Variants in MAP2K1 observed in about 807,000 individuals in gnomAD.
The protein encoded by MAP2K1 is dual specificity mitogen-activated protein kinase kinase 1.
A neutral mutation model predicts 46.3 loss-of-function variants in MAP2K1; 16 were observed. The ratio of observed to expected loss-of-function variants is 0.35; its 90% CI spans 0.23 to 0.52. The LOEUF (loss-of-function observed/expected upper bound fraction) is 0.52, where lower values mean the gene tolerates loss of function less well. MAP2K1 is among the 20% of genes least tolerant of loss of function. The probability of loss-of-function intolerance (pLI) is 0.94; values close to 1 mark genes in which losing one functional copy is unlikely to be tolerated. For missense variants in MAP2K1, 263 were observed against 497.1 expected, an observed-to-expected ratio of 0.53 and a Z score of 4.48; for synonymous variants, 183 against 185.6, an observed-to-expected ratio of 0.99 and a Z score of 0.11.
intron 5 of MAP2K1, among the ~76,000 whole-genome samples, chr15:66,474,103 A>C (rs977340833): frequency 6.6e-6 from 1 of 152,226 alleles, no homozygotes; most frequent in African/African-American, 2.4e-5. Flanking sequence ...GGGGATGAGC[A>C]GTGAATTGGC....
intron 1 of MAP2K1, among the ~76,000 whole-genome samples, chr15:66,399,302 A>T (rs1406412948): frequency 6.6e-6 from 1 of 152,210 alleles, no homozygotes; most frequent in Non-Finnish European, 1.5e-5. Flanking sequence ...AATACATTTA[A>T]AAAGTACCCC....
chr15:66,392,262 T>TGG (rs1373412235), intron 1 of MAP2K1, among the ~76,000 whole-genome samples: 1 of 109,578 alleles, frequency 9.1e-6, no homozygotes, highest in Non-Finnish European at 2.0e-5. Context: ...TGGGTTTTTT[T>TGG]TTTTTTTTTT....
At chr15:66,436,202 T>A (rs187423733) in intron 2 of MAP2K1, among the ~76,000 whole-genome samples, 7 of 152,338 alleles carry the variant, frequency 4.6e-5, no homozygotes, top group Admixed American at 1.3e-4. Flanking sequence ...ACACTCGCTG[T>A]CTGTGGGATT....
At chr15:66,432,920 TC>T (rs1417321029) in intron 1 of MAP2K1, among the ~76,000 whole-genome samples, 1 of 151,132 alleles carries the variant, frequency 6.6e-6, no homozygotes, top group Admixed American at 6.6e-5. Context: ...AAGCAGTTTT[TC>T]TTCCATGCAG....
chr15:66,424,254 C>T (rs1017375645), intron 1 of MAP2K1, among the ~76,000 whole-genome samples: 2 of 151,918 alleles, frequency 1.3e-5, no homozygotes, highest in Admixed American at 6.6e-5. Context: ...GGTGGGGTTT[C>T]GCCATGTTGG....
chr15:66,461,700 C>T (rs1892326586), intron 5 of MAP2K1, among the ~76,000 whole-genome samples: 1 of 152,032 alleles, frequency 6.6e-6, no homozygotes. Flanking sequence ...GCAGGGCTGT[C>T]ATTAGGTGGT....
chr15:66,414,968 C>A, intron 1 of MAP2K1: 1 of 432,666 alleles, frequency 2.3e-6, no homozygotes, highest in South Asian at 1.7e-5. Flanking sequence ...TGCTTGAGCT[C>A]CTTGTAGGAA....
intron 1 of MAP2K1, among the ~76,000 whole-genome samples, chr15:66,399,601 C>T (rs906969079): frequency 2.0e-5 from 3 of 152,178 alleles, no homozygotes; most frequent in African/African-American, 7.2e-5. Flanking sequence ...ACTATAGGCA[C>T]GTGCCAATAC....
Position 66,387,147 on chromosome 15 carries a change from G to T in MAP2K1, c.-201G>T. 2.2e-6 allele frequency: 1 copy of T among 461,980 alleles called. No individual in the cohort carries two copies. Among genetic ancestry groups the T allele is most frequent in the Non-Finnish European group, 3.8e-6 (1 of 260,016 alleles). The allele number at this position is 461,980 out of a possible 1,614,324, so 28.6% of individuals were successfully genotyped here. On this transcript the variant is annotated 5_prime_UTR_variant, in exon 1 of 11. Transcript: ENST00000307102. ...TCTCTGCGCGCGAAGCCGAGTCCCG[G>T]GCGGGTGGGGCGGGGGTCCACTGAG...
At chr15:66,480,435 G>C (rs1406437038) in intron 5 of MAP2K1, among the ~76,000 whole-genome samples, 1 of 152,064 alleles carries the variant, frequency 6.6e-6, no homozygotes, top group Non-Finnish European at 1.5e-5. Context: ...AGACCTGTTT[G>C]AATCTGTTTA....
At chr15:66,431,026 A>G (rs1171187543) in intron 1 of MAP2K1, among the ~76,000 whole-genome samples, 6 of 152,226 alleles carry the variant, frequency 3.9e-5, no homozygotes, top group African/African-American at 1.4e-4. Flanking sequence ...TAACTCTGCC[A>G]TGGTGAATGT....
chr15:66,411,574 T>C (rs933860115), intron 1 of MAP2K1, among the ~76,000 whole-genome samples: 22 of 152,284 alleles, frequency 1.4e-4, no homozygotes, highest in African/African-American at 4.6e-4. Context: ...GCCAATAATA[T>C]TGGTTTTGCT....
At chr15:66,458,261 C>A (rs1479933797) in intron 5 of MAP2K1, among the ~76,000 whole-genome samples, 1 of 152,176 alleles carries the variant, frequency 6.6e-6, no homozygotes, top group Non-Finnish European at 1.5e-5. Flanking sequence ...CCGTTCTTAA[C>A]CTGCTCTAAT....
intron 6 of MAP2K1, 146 bp from the exon 7 acceptor site, chr15:66,484,844 G>T (rs1055561632): frequency 2.7e-5 from 21 of 773,486 alleles, no homozygotes; most frequent in Non-Finnish European, 4.0e-5. Context: ...CAGTGTTGGG[G>T]GTAGGCAGGA....
intron 5 of MAP2K1, among the ~76,000 whole-genome samples, chr15:66,479,661 T>C (rs1892866009): frequency 6.6e-6 from 1 of 152,078 alleles, no homozygotes; most frequent in South Asian, 2.1e-4. Flanking sequence ...CCATGGTGCA[T>C]TTAGAACCAT....
intron 1 of MAP2K1, among the ~76,000 whole-genome samples, chr15:66,419,626 C>G (rs1031293722): frequency 5.3e-5 from 8 of 152,140 alleles, no homozygotes; most frequent in Non-Finnish European, 8.8e-5. Flanking sequence ...ATGACACCCC[C>G]TGTCTGATTC....
chr15:66,473,589 T>G (rs1328903449), intron 5 of MAP2K1, among the ~76,000 whole-genome samples: 1 of 152,218 alleles, frequency 6.6e-6, no homozygotes, highest in African/African-American at 2.4e-5. Context: ...CTTCTTTCCT[T>G]TCTTTTATTA....
chr15:66,413,905 C>G (rs911828348), intron 1 of MAP2K1, among the ~76,000 whole-genome samples: 1 of 59,118 alleles, frequency 1.7e-5, no homozygotes, highest in Non-Finnish European at 3.4e-5. Context: ...TTTTTTTCTT[C>G]TTCTTCTTTT....
At chr15:66,399,027 C>T (rs1222119266) in intron 1 of MAP2K1, among the ~76,000 whole-genome samples, 2 of 152,170 alleles carry the variant, frequency 1.3e-5, no homozygotes, top group East Asian at 1.9e-4. Context: ...CCTGCCGCGG[C>T]CTCCCAAAGT....
Sources: allele counts gnomAD v4.1 joint callset (sites outside exome capture counted in the v4.1 genomes callset), GRCh38; gene constraint gnomAD v4.1.1; transcripts MANE v1.5; gene names NCBI Gene and HGNC (gene_info 2026-07-23, HGNC 2026-07-21).